NR2F1: variants seen among roughly 807,000 people sequenced by gnomAD.
NR2F1 encodes nuclear receptor subfamily 2 group F member 1, also known as COUP transcription factor 1.
Under a neutral mutation model 37.7 loss-of-function variants are expected in NR2F1, and 1 was observed. The observed-to-expected ratio is 0.03, with a 90% CI of 0.01 to 0.13. The LOEUF (loss-of-function observed/expected upper bound fraction) is 0.13. Ranked by LOEUF, NR2F1 falls within the 10% of genes least tolerant of loss-of-function variation. NR2F1 has a pLI of 1.00. For synonymous variants in NR2F1, 275 were observed against 259.6 expected (o/e 1.06, Z -0.57); for missense variants, 268 against 578.4 (o/e 0.46, Z 5.50).
chr5:93,584,640 G>C lies in NR2F1; in HGVS notation c.-384G>C, dbSNP rs901486320. 1.4e-5 allele frequency: 2 copies of C among 147,506 alleles called. No individual in the cohort carries two copies. The highest frequency in any genetic ancestry group is 2.1e-4 in the South Asian group (1 of 4,780). 9.1% of individuals were successfully genotyped at this position (147,506 alleles called of 1,614,324 possible). ...CGCCGGGGGGTGGGGAGGGGGGAAGGAGAGCGCGGCCCCCCCAGGAACGGA... is the reference window on the plus strand; with the variant it reads ...CGCCGGGGGGTGGGGAGGGGGGAAGCAGAGCGCGGCCCCCCCAGGAACGGA... On this transcript the variant is annotated 5_prime_UTR_variant, in exon 1 of 3. Coordinates refer to ENST00000327111, the MANE Select transcript of NR2F1 (RefSeq NM_005654.6).
chr5:93,592,887 G>T (rs1753356935), intron 2 of NR2F1, among the ~76,000 whole-genome samples: 1 of 152,114 alleles, frequency 6.6e-6, no homozygotes, highest in African/African-American at 2.4e-5. Context: ...ATTTGCTGCA[G>T]AGTCCTTTCT....
chr5:93,594,040 T>C lies in NR2F1; in HGVS notation c.*198T>C, dbSNP rs921141780. 1.1e-4 allele frequency: 64 copies of C among 559,230 alleles called. No individual in the cohort carries two copies. Among genetic ancestry groups the C allele is most frequent in the Non-Finnish European group, 1.8e-4 (57 of 318,410 alleles). The allele number at this position is 559,230 out of a possible 1,614,324, so 34.6% of individuals were successfully genotyped here. A position where few individuals can be genotyped will look rare whatever the true frequency, so the allele number is the denominator to read the frequency against. On this transcript the variant is annotated 3_prime_UTR_variant, in exon 3 of 3. Coordinates refer to ENST00000327111, the MANE Select transcript of NR2F1 (RefSeq NM_005654.6). ...ACAAAGCATGGGAAAAAGAGACTCT[T>C]TTAGGATCAGATCTGTGAGCACGTT...
chr5:93,587,508 A>G (rs1753252267), intron 1 of NR2F1: 2 of 183,730 alleles, frequency 1.1e-5, no homozygotes, highest in East Asian at 2.9e-4. Context: ...ATTTGCCTAG[A>G]ACCACAACCT....
Position 93,585,070 on chromosome 5 carries a change from C to A in NR2F1, c.47C>A (p.Ala16Asp). The A allele has an allele frequency of 9.7e-7, 1 of 1,032,396 alleles. No homozygotes were observed. Among genetic ancestry groups the A allele is most frequent in the Non-Finnish European group, 1.2e-6 (1 of 861,816 alleles). The allele number at this position is 1,032,396 out of a possible 1,614,324, so 64.0% of individuals were successfully genotyped here. Reference sequence around the variant, plus strand: ...TGGCGAGATCCGCAGGACGACGTGGCCGGGGGCAACCCCGGCGGCCCCAAC... The same window carrying A: ...TGGCGAGATCCGCAGGACGACGTGGACGGGGGCAACCCCGGCGGCCCCAAC... ...SSWRDPQDDV[A>D]GGNPGGPNPA... Residue 16 changes from alanine to aspartate, a missense_variant, in exon 1 of 3, where the codon GCC (alanine) becomes GAC (aspartate). Physicochemically the swap from Ala to Asp is moderately radical, Grantham distance 126 (BLOSUM62 -2). Around this residue, in one of 5 missense-constraint regions of NR2F1, gnomAD observed 90 missense variants for 106.5 expected, o/e 0.85. Transcript: ENST00000327111.
At chr5:93,585,755 G>T in intron 1 of NR2F1, 1 of 496,066 alleles carries the variant, frequency 2.0e-6, no homozygotes, top group Non-Finnish European at 3.7e-6. Context: ...CCCTGAGATC[G>T]TGAGCTGTGG....
chr5:93,591,274 G>A (rs949823061), intron 2 of NR2F1, among the ~76,000 whole-genome samples: 2 of 152,214 alleles, frequency 1.3e-5, no homozygotes, highest in African/African-American at 4.8e-5. Context: ...ATAACTCATG[G>A]AGCATAAATA....
At position 93,588,408 on chromosome 5, in the gene NR2F1, T is replaced by C. The variant is rs1753268391; in HGVS notation, c.955T>C (p.Tyr319His). 1.2e-6 allele frequency: 2 copies of C among 1,611,486 alleles called. No individual in the cohort carries two copies. Among genetic ancestry groups the C allele is most frequent in the African/African-American group, 1.3e-5 (1 of 74,988 alleles). Residue 319 changes from tyrosine (Y) to histidine (H), a missense_variant, in exon 2 of 3, where the codon TAC (tyrosine) becomes CAC (histidine). Physicochemically the swap from Tyr to His is moderately conservative, Grantham distance 83. Transcript: ENST00000327111. ...LKALHVDSAE[Y>H]SCLKAIVLFT... is the part of the protein sequence containing the mutation. ...GGCGCTACACGTCGACTCAGCCGAG[T>C]ACAGCTGCCTCAAAGCCATCGTGCT... is the stretch of plus-strand genomic sequence containing the variant.
Position 93,588,353 on chromosome 5 carries a change from C to T in NR2F1, c.900C>T (p.Arg300=). The T allele has an allele frequency of 1.9e-6, 3 of 1,613,170 alleles. No homozygotes were observed. The South Asian group carries it at 3.3e-5, about 18-fold the overall frequency. The change falls in exon 2 of 3, where the codon CGC becomes CGT. Residue 300 remains arginine, a synonymous_variant. Transcript: ENST00000327111. The part of the protein sequence containing the change: ...DRVVAFMDHI[R]IFQEQVEKLK... The stretch of plus-strand genomic sequence containing the variant: ...TCGTGGCCTTCATGGACCACATCCG[C>T]ATCTTCCAGGAGCAGGTGGAGAAGC...
At chr5:93,586,408 T>A (rs1169374183) in intron 1 of NR2F1, among the ~76,000 whole-genome samples, 1 of 152,058 alleles carries the variant, frequency 6.6e-6, no homozygotes, top group African/African-American at 2.4e-5. Context: ...GTTTGTTTTT[T>A]TTAAAAAAAA....
chr5:93,587,150 T>A (rs1212038559), intron 1 of NR2F1: 2 of 152,178 alleles, frequency 1.3e-5, no homozygotes, highest in East Asian at 3.8e-4. Flanking sequence ...AGCTCGTGCA[T>A]TCACTGGGCA....
intron 2 of NR2F1, among the ~76,000 whole-genome samples, chr5:93,589,256 G>A (rs1334787682): frequency 6.6e-6 from 1 of 152,236 alleles, no homozygotes; most frequent in Non-Finnish European, 1.5e-5. Context: ...TGTGTAGGCA[G>A]TGGTAACATG....
intron 1 of NR2F1, 147 bp downstream of exon 1, chr5:93,585,633 C>A: frequency 1.5e-6 from 1 of 661,136 alleles, no homozygotes; most frequent in Non-Finnish European, 2.6e-6. Flanking sequence ...CTGCCTTCCT[C>A]CCCCGGCGTC....
rs892365821 is a variant in NR2F1 at position 93,593,532 on chromosome 5, T to C, written c.992-30T>C. 10 of 1,600,140 alleles carry C rather than the reference T, an allele frequency of 6.2e-6. No individual in the cohort carries two copies. The highest frequency in any genetic ancestry group is 1.7e-4 in the Middle Eastern group (1 of 5,924). ...AGCCTAACCGTGTGCTCCCTTTCCCTGTCTCTCCCTCCTGTGGCTGCTTGG... is the reference window on the plus strand; with the variant it reads ...AGCCTAACCGTGTGCTCCCTTTCCCCGTCTCTCCCTCCTGTGGCTGCTTGG... On this transcript the variant is annotated intron_variant, in intron 2 of 2. Transcript: ENST00000327111. This position sits in a 1 kb window ranked among gnomAD's most constrained non-coding sequence, Gnocchi z 5.6.
rs1753381676 is a variant in NR2F1, at chr5:93,594,038, C to T, written c.*196C>T. On this transcript the variant is annotated 3_prime_UTR_variant, in exon 3 of 3. Coordinates refer to ENST00000327111, the MANE Select transcript of NR2F1 (RefSeq NM_005654.6). The stretch of plus-strand genomic sequence containing the variant: ...CTACAAAGCATGGGAAAAAGAGACT[C>T]TTTTAGGATCAGATCTGTGAGCACG... 5.4e-6 allele frequency: 3 copies of T among 558,688 alleles called. No individual in the cohort carries two copies. The allele number at this position is 558,688 out of a possible 1,614,324, so 34.6% of individuals were successfully genotyped here. A position where few individuals can be genotyped will look rare whatever the true frequency, so the allele number is the denominator to read the frequency against.
At chr5:93,592,857 A>C (rs1392517728) in intron 2 of NR2F1, among the ~76,000 whole-genome samples, 1 of 152,092 alleles carries the variant, frequency 6.6e-6, no homozygotes, top group Non-Finnish European at 1.5e-5. Context: ...TATAGATAGA[A>C]GTGTACACCC....
At position 93,590,286 on chromosome 5, in the gene NR2F1, C is replaced by T. The variant is rs140970366; in HGVS notation, c.991+1842C>T. On this transcript the variant is annotated intron_variant, in intron 2 of 2. Transcript: ENST00000327111. ...AGACGTTTTCTCAGGAAAGGTCTCT[C>T]CTCTCTTTTCCTTACACCCCCTAAG... Among the ~76,000 whole-genome samples the T allele has an allele frequency of 3.1e-3, 479 of 152,292 alleles. 1 individual carries two copies. The highest frequency in any genetic ancestry group is 0.011 in the African/African-American group (457 of 41,582).
intron 1 of NR2F1, 100 bp from the exon 2 acceptor site, chr5:93,587,817 C>A: frequency 3.1e-6 from 4 of 1,274,692 alleles, no homozygotes; most frequent in Non-Finnish European, 4.3e-6. Context: ...CGTGTGGCTG[C>A]GGGAAGAGCT....
At chr5:93,588,999 AAATCATAAT>A (rs1314862974) in intron 2 of NR2F1, among the ~76,000 whole-genome samples, 1 of 152,138 alleles carries the variant, frequency 6.6e-6, no homozygotes, top group Non-Finnish European at 1.5e-5. Flanking sequence ...ACGCACAAAT[AAATCATAAT>A]AATCCCGCTT....
intron 2 of NR2F1, among the ~76,000 whole-genome samples, chr5:93,590,933 A>G (rs891549988): frequency 5.9e-5 from 9 of 152,238 alleles, no homozygotes; most frequent in African/African-American, 4.8e-5. Flanking sequence ...TATTCCTTCA[A>G]ATAAATGAGA....
Sources: gnomAD v4.1 joint callset for allele counts (sites outside exome capture counted in the v4.1 genomes callset) on GRCh38, gnomAD v4.1.1 for gene constraint, gnomAD v4.1.1 regional missense constraint, Gnocchi (gnomAD v3.1) non-coding constraint, MANE v1.5 for transcripts, NCBI Gene and HGNC (gene_info 2026-07-23, HGNC 2026-07-21) for gene names.